PREX2: variants seen among roughly 807,000 people sequenced by gnomAD.
PREX2 encodes the protein phosphatidylinositol-3,4,5-trisphosphate dependent Rac exchange factor 2.
Under a neutral mutation model 203.2 loss-of-function variants are expected in PREX2, and 107 were observed. The observed-to-expected ratio is 0.53, with a 90% CI of 0.45 to 0.62. The LOEUF is 0.62. Among genes scored for constraint, PREX2 ranks in the 20% least tolerant of loss-of-function variants. PREX2 has a pLI of 0.00. For missense variants in PREX2, 1,777 were observed against 1,955.9 expected (o/e 0.91, Z 1.72); for synonymous variants, 672 against 663.6 (o/e 1.01, Z -0.19).
At chr8:68,008,058 T>C (rs981883648) in intron 1 of PREX2, among the ~76,000 whole-genome samples, 5 of 152,086 alleles carry the variant, frequency 3.3e-5, no homozygotes, top group East Asian at 1.9e-4. Flanking sequence ...GTTGGCAGAG[T>C]TGGGTTTCAA....
At chr8:68,192,253 A>G (rs1444540740) in intron 36 of PREX2, 82 bp from the exon 37 acceptor site, 3 of 1,049,924 alleles carry the variant, frequency 2.9e-6, no homozygotes, top group Non-Finnish European at 4.1e-6. Context: ...ATTTTAGACT[A>G]TTCTTTAACA....
intron 35 of PREX2, 106 bp downstream of exon 35, chr8:68,157,542 C>A: frequency 2.0e-6 from 1 of 504,590 alleles, no homozygotes; most frequent in Non-Finnish European, 3.5e-6. Context: ...AATGACATTT[C>A]TTTTGATATA....
intron 8 of PREX2, among the ~76,000 whole-genome samples, chr8:68,045,393 T>C (rs1348619233): frequency 2.0e-5 from 3 of 152,058 alleles, no homozygotes; most frequent in Non-Finnish European, 4.4e-5. Context: ...ACATGTGGGA[T>C]TGGGACACAG....
chr8:68,067,052 T>G (rs1262195613), intron 11 of PREX2, among the ~76,000 whole-genome samples: 1 of 152,110 alleles, frequency 6.6e-6, no homozygotes, highest in African/African-American at 2.4e-5. Flanking sequence ...TGTGAATTTA[T>G]TTCTGGGATC....
chr8:68,087,192 A>G (rs1212806367), intron 18 of PREX2, among the ~76,000 whole-genome samples: 1 of 152,174 alleles, frequency 6.6e-6, no homozygotes, highest in Non-Finnish European at 1.5e-5. Context: ...GAGCTTATCT[A>G]AGTTATCCAC....
chr8:68,201,927 G>A (rs1021205185), intron 37 of PREX2, among the ~76,000 whole-genome samples: 3 of 108,958 alleles, frequency 2.8e-5, no homozygotes, highest in African/African-American at 1.4e-4. Context: ...TTTTTTTTGA[G>A]ATGGAGTCTC....
intron 35 of PREX2, among the ~76,000 whole-genome samples, chr8:68,163,366 A>T (rs991009975): frequency 1.3e-5 from 2 of 152,242 alleles, no homozygotes; most frequent in African/African-American, 4.8e-5. Context: ...GCAAATTTGC[A>T]TCTCAAATCA....
At chr8:68,095,543 G>A (rs1473577732) in intron 21 of PREX2, among the ~76,000 whole-genome samples, 13 of 145,840 alleles carry the variant, frequency 8.9e-5, no homozygotes, top group African/African-American at 2.3e-4. Flanking sequence ...ATATATGTGT[G>A]TGTGTGTGTG....
chr8:68,003,805 C>A (rs1028932299), intron 1 of PREX2, among the ~76,000 whole-genome samples: 5 of 149,672 alleles, frequency 3.3e-5, no homozygotes, highest in Admixed American at 1.3e-4. Flanking sequence ...TAATTTGGTT[C>A]CTATATCAGC....
At chr8:68,108,003 T>C (rs1237063639) in intron 23 of PREX2, 106 bp from the exon 24 acceptor site, 7 of 673,816 alleles carry the variant, frequency 1.0e-5, no homozygotes, top group African/African-American at 1.8e-5. Flanking sequence ...CCAGTTGACA[T>C]GATTTAATTT....
At chr8:68,000,033 G>A (rs1000459798) in intron 1 of PREX2, among the ~76,000 whole-genome samples, 1 of 152,154 alleles carries the variant, frequency 6.6e-6, no homozygotes, top group Non-Finnish European at 1.5e-5. Context: ...AAAGCTGGAA[G>A]CATTTGCCTT....
intron 34 of PREX2, among the ~76,000 whole-genome samples, chr8:68,150,170 T>C (rs1040257021): frequency 7.2e-5 from 11 of 152,234 alleles, no homozygotes; most frequent in African/African-American, 2.2e-4. Flanking sequence ...GAGCATCCTC[T>C]GTAGTCCATG....
chr8:68,119,427 T>A lies in PREX2; in HGVS notation c.3422-5T>A. On this transcript the variant is annotated splice_polypyrimidine_tract_variant and splice_region_variant and intron_variant, in intron 27 of 39. Transcript: ENST00000288368. ...TTTTGGTTTTGTTTTTGTTTTGACA[T>A]CTAGGTGATGAACTTCCCTTAAGTG... is the stretch of plus-strand genomic sequence containing the variant. 1 of 1,609,568 alleles carries A rather than the reference T, an allele frequency of 6.2e-7. No individual in the cohort carries two copies. The highest frequency in any genetic ancestry group is 8.5e-7 in the Non-Finnish European group (1 of 1,176,380).
At chr8:68,007,427 T>C (rs1807126207) in intron 1 of PREX2, among the ~76,000 whole-genome samples, 1 of 152,204 alleles carries the variant, frequency 6.6e-6, no homozygotes, top group African/African-American at 2.4e-5. Flanking sequence ...AGTTGGTTAT[T>C]GTCATTGATA....
chr8:68,163,411 T>C (rs1181992362), intron 35 of PREX2, among the ~76,000 whole-genome samples: 2 of 152,104 alleles, frequency 1.3e-5, no homozygotes, highest in Admixed American at 1.3e-4. Flanking sequence ...AAGAATGAAT[T>C]TGGGTATGTT....
chr8:67,968,989 C>T (rs1400672797), intron 1 of PREX2, among the ~76,000 whole-genome samples: 1 of 152,150 alleles, frequency 6.6e-6, no homozygotes, highest in African/African-American at 2.4e-5. Flanking sequence ...ATTTTCAATC[C>T]ATCAGTAGCT....
At chr8:68,189,385 G>T (rs961205280) in intron 35 of PREX2, among the ~76,000 whole-genome samples, 8 of 152,232 alleles carry the variant, frequency 5.3e-5, no homozygotes, top group Admixed American at 5.2e-4. Context: ...GGCCTAACTT[G>T]CTCTTTCACT....
At position 68,118,648 on chromosome 8, in the gene PREX2, T is replaced by A. The variant is rs768847764; in HGVS notation, c.3421+4T>A. The stretch of plus-strand genomic sequence containing the variant: ...CACAGTGATGAAATGGACTCAGGTG[T>A]GTTCGTTGGTGAAGGCCTGTGGGCT... On this transcript the variant is annotated splice_donor_region_variant and intron_variant, in intron 27 of 39. Transcript: ENST00000288368. The A allele has an allele frequency of 1.7e-5, 28 of 1,607,062 alleles. No homozygotes were observed. The highest frequency in any genetic ancestry group is 2.4e-5 in the Non-Finnish European group (28 of 1,173,784).
intron 25 of PREX2, chr8:68,110,951 A>G (rs1399972421): frequency 2.3e-6 from 1 of 434,724 alleles, no homozygotes; most frequent in South Asian, 1.7e-5. Flanking sequence ...ACCGTTCAAG[A>G]TTGCTAAGAG....
Sources: gnomAD v4.1 joint callset for allele counts (sites outside exome capture counted in the v4.1 genomes callset) on GRCh38, gnomAD v4.1.1 for gene constraint, MANE v1.5 for transcripts, NCBI Gene and HGNC (gene_info 2026-07-23, HGNC 2026-07-21) for gene names.